MYT1L: variants seen among roughly 807,000 people sequenced by gnomAD.
MYT1L encodes myelin transcription factor 1-like protein.
In MYT1L, 12 loss-of-function variants were observed where a neutral mutation model predicts 126.7. That is an observed-to-expected ratio of 0.09 (90% CI 0.06 to 0.15). MYT1L has a LOEUF of 0.15. MYT1L is among the 10% of genes least tolerant of loss of function. MYT1L has a pLI of 1.00. For synonymous variants in MYT1L, 541 were observed against 604.2 expected, an observed-to-expected ratio of 0.90 and a Z score of 1.53; for missense variants, 979 against 1,585.2, an observed-to-expected ratio of 0.62 and a Z score of 6.49.
At chr2:2,212,441 C>A (rs908485795) in intron 2 of MYT1L, among the ~76,000 whole-genome samples, 3 of 152,096 alleles carry the variant, frequency 2.0e-5, no homozygotes, top group African/African-American at 7.2e-5. Flanking sequence ...TTTATAACAA[C>A]AAATGTTATA....
chr2:1,965,274 CAG>C (rs2059258339), intron 8 of MYT1L, among the ~76,000 whole-genome samples: 1 of 149,310 alleles, frequency 6.7e-6, no homozygotes, highest in Admixed American at 6.6e-5. Flanking sequence ...GAGGGGGACC[CAG>C]ACTCTGTGAC....
At chr2:2,202,177 C>T (rs1051617250) in intron 2 of MYT1L, among the ~76,000 whole-genome samples, 3 of 151,926 alleles carry the variant, frequency 2.0e-5, no homozygotes, top group Admixed American at 6.6e-5. Flanking sequence ...CAGGAAAGAT[C>T]TAAAATTGAC....
At chr2:1,802,321 T>C (rs10200829) in intron 22 of MYT1L, among the ~76,000 whole-genome samples, 13,139 of 151,968 alleles carry the variant, frequency 0.086, 657 homozygotes, top group South Asian at 0.16. Context: ...TAACGACAAA[T>C]GCCGTCCAGC....
At chr2:2,244,653 A>G (rs1233770251) in intron 2 of MYT1L, among the ~76,000 whole-genome samples, 3 of 152,238 alleles carry the variant, frequency 2.0e-5, no homozygotes, top group Admixed American at 6.5e-5. Context: ...TGCAGGCTCC[A>G]GGAACAGAGC....
At chr2:1,865,023 C>T (rs766101674) in intron 18 of MYT1L, among the ~76,000 whole-genome samples, 1 of 152,192 alleles carries the variant, frequency 6.6e-6, no homozygotes, top group Non-Finnish European at 1.5e-5. Context: ...GGATGCTGCT[C>T]TATGGGCCCC....
rs902491671 is a variant in MYT1L at position 2,050,568 on chromosome 2, G to A, written c.-158+3410C>T. Among the ~76,000 whole-genome samples the A allele has an allele frequency of 3.9e-5, 6 of 152,248 alleles. No homozygotes were observed. In the East Asian group the frequency reaches 1.2e-3, roughly 29 times the overall value. ...ATCACAGTGGCTAATTGGGACACACGAGGACAGAAAAATGCCCTAAATCTA... is the reference window on the plus strand; with the variant it reads ...ATCACAGTGGCTAATTGGGACACACAAGGACAGAAAAATGCCCTAAATCTA... On this transcript the variant is annotated intron_variant, in intron 4 of 24. Coordinates refer to ENST00000647738, the MANE Select transcript of MYT1L (RefSeq NM_001303052.2).
chr2:2,282,215 A>G (rs1012791921), intron 2 of MYT1L, among the ~76,000 whole-genome samples: 1 of 152,210 alleles, frequency 6.6e-6, no homozygotes, highest in Non-Finnish European at 1.5e-5. Flanking sequence ...ACATATCACC[A>G]CTGCCTCACA....
At chr2:1,886,408 C>T in intron 18 of MYT1L, 131 bp downstream of exon 18, 1 of 569,138 alleles carries the variant, frequency 1.8e-6, no homozygotes, top group Non-Finnish European at 2.9e-6. Flanking sequence ...CCCATGTCTA[C>T]ATCAAGGCAC....
At chr2:1,821,181 C>G (rs1025929855) in intron 21 of MYT1L, among the ~76,000 whole-genome samples, 20 of 152,214 alleles carry the variant, frequency 1.3e-4, no homozygotes, top group Admixed American at 1.0e-3. Context: ...TATCTGAAAA[C>G]TCAAGATCTC....
intron 3 of MYT1L, among the ~76,000 whole-genome samples, chr2:2,123,712 A>G (rs1379045289): frequency 6.6e-6 from 1 of 152,112 alleles, no homozygotes; most frequent in East Asian, 1.9e-4. Flanking sequence ...TTTTCTTTAT[A>G]AATTACTTAG....
At chr2:1,892,496 T>C (rs1386087483) in intron 14 of MYT1L, among the ~76,000 whole-genome samples, 1 of 149,896 alleles carries the variant, frequency 6.7e-6, no homozygotes, top group Non-Finnish European at 1.5e-5. Context: ...TTCTTCTTTT[T>C]TCCTTTTTCC....
chr2:2,326,032 G>A (rs769080523), intron 1 of MYT1L: 1 of 152,238 alleles, frequency 6.6e-6, no homozygotes, highest in Admixed American at 6.5e-5. Context: ...AAGGAAAGAG[G>A]TACCTTTTTG....
intron 2 of MYT1L, among the ~76,000 whole-genome samples, chr2:2,211,346 A>G (rs1221173426): frequency 6.6e-6 from 1 of 152,182 alleles, no homozygotes; most frequent in East Asian, 1.9e-4. Context: ...TTTTAAAGTA[A>G]TTCTTTCTTA....
At chr2:1,909,734 C>T (rs975289841) in intron 13 of MYT1L, among the ~76,000 whole-genome samples, 1 of 152,172 alleles carries the variant, frequency 6.6e-6, no homozygotes, top group African/African-American at 2.4e-5. Context: ...AACACCTACT[C>T]CCACCTACAC....
At chr2:2,082,676 A>C (rs1274472520) in intron 3 of MYT1L, among the ~76,000 whole-genome samples, 2 of 152,220 alleles carry the variant, frequency 1.3e-5, no homozygotes, top group Non-Finnish European at 2.9e-5. Context: ...CTGGAATTTT[A>C]TCATAATGCT....
intron 4 of MYT1L, among the ~76,000 whole-genome samples, chr2:1,998,102 G>A (rs1050465921): frequency 2.6e-5 from 4 of 152,172 alleles, no homozygotes; most frequent in East Asian, 1.9e-4. Flanking sequence ...GCTGAGACAC[G>A]GGTCAGGGAA....
intron 2 of MYT1L, among the ~76,000 whole-genome samples, chr2:2,184,375 G>T (rs997761462): frequency 6.6e-6 from 1 of 152,172 alleles, no homozygotes; most frequent in Non-Finnish European, 1.5e-5. Context: ...AATGTGCAGC[G>T]CCCATAAAGG....
chr2:2,097,855 G>A (rs370721591), intron 3 of MYT1L, among the ~76,000 whole-genome samples: 2 of 152,220 alleles, frequency 1.3e-5, no homozygotes, highest in East Asian at 3.9e-4. Flanking sequence ...ATGCCTGGTG[G>A]GAGGTGATTG....
At chr2:2,191,077 G>A (rs535784509) in intron 2 of MYT1L, among the ~76,000 whole-genome samples, 6 of 152,326 alleles carry the variant, frequency 3.9e-5, no homozygotes, top group Middle Eastern at 3.4e-3. Context: ...GGGCCACCGC[G>A]CCTGGCTGTC....
Sources: allele counts gnomAD v4.1 joint callset (sites outside exome capture counted in the v4.1 genomes callset), GRCh38; gene constraint gnomAD v4.1.1; transcripts MANE v1.5; gene names NCBI Gene and HGNC (gene_info 2026-07-23, HGNC 2026-07-21).